CACNG4: variants seen among roughly 807,000 people sequenced by gnomAD.
CACNG4 encodes calcium voltage-gated channel auxiliary subunit gamma 4, also known as voltage-dependent calcium channel gamma-4 subunit.
Under a neutral mutation model 22.9 loss-of-function variants are expected in CACNG4, and 8 were observed. The ratio of observed to expected loss-of-function variants is 0.35; its 90% CI spans 0.21 to 0.63. CACNG4 has a LOEUF of 0.63. Ranked by LOEUF, CACNG4 falls within the 30% of genes least tolerant of loss-of-function variation. The pLI is 0.72. For synonymous variants in CACNG4, 188 were observed against 191.9 expected (o/e 0.98, Z 0.17); for missense variants, 357 against 455.4 (o/e 0.78, Z 1.97).
Position 67,024,850 on chromosome 17 carries a change from C to G in CACNG4, c.305-10C>G, listed in dbSNP as rs375645003. ...GCCCTCTGCTTTGTGCCCCCCACCT[C>G]CCCGGCCAGGCATCGTGCGAGCCTC... is the stretch of plus-strand genomic sequence containing the variant. On this transcript the variant is annotated splice_polypyrimidine_tract_variant and intron_variant, in intron 2 of 3. Coordinates refer to ENST00000262138, the MANE Select transcript of CACNG4 (RefSeq NM_014405.4). 1 of 1,531,134 alleles carries G rather than the reference C, an allele frequency of 6.5e-7. No homozygotes were observed. The highest frequency in any genetic ancestry group is 8.8e-7 in the Non-Finnish European group (1 of 1,140,536). The allele number at this position is 1,531,134 out of a possible 1,614,324, so 94.8% of individuals were successfully genotyped here.
At chr17:66,965,187 TATACACACGCGCGCGCGCGCGCGCGC>T (rs1336074920) in intron 1 of CACNG4, 56 bp downstream of exon 1, 7 of 756,064 alleles carry the variant, frequency 9.3e-6, no homozygotes, top group Middle Eastern at 4.1e-4. Context: ...CACACACACA[TATACACACGCGCGCGCGCGCGCGCGC>T]ACACACACAC....
At chr17:66,980,620 C>CTT (rs67051865) in intron 1 of CACNG4, among the ~76,000 whole-genome samples, 48 of 106,968 alleles carry the variant, frequency 4.5e-4, no homozygotes, top group South Asian at 2.2e-3. Context: ...TGTGTAAATT[C>CTT]TTTTTTTTTT....
At chr17:67,002,078 A>C (rs1452743790) in intron 1 of CACNG4, among the ~76,000 whole-genome samples, 4 of 152,234 alleles carry the variant, frequency 2.6e-5, no homozygotes. Context: ...TGCTATGAAG[A>C]AATACCTGAG....
chr17:66,967,041 G>A (rs1046030271), intron 1 of CACNG4, among the ~76,000 whole-genome samples: 20 of 152,294 alleles, frequency 1.3e-4, no homozygotes, highest in African/African-American at 3.4e-4. Flanking sequence ...GGCACGACCC[G>A]AAGGCATGTG....
At chr17:67,024,420 G>A (rs1452992225) in intron 2 of CACNG4, among the ~76,000 whole-genome samples, 1 of 152,216 alleles carries the variant, frequency 6.6e-6, no homozygotes, top group Admixed American at 6.5e-5. Flanking sequence ...ACCTAATGCC[G>A]ATGCGTGTGC....
chr17:66,990,681 T>TTTTATTTTA lies in CACNG4; in HGVS notation c.220+25557_220+25558insTATTTATTT, dbSNP rs1555577356. 4.6e-4 allele frequency among the ~76,000 whole-genome samples: 63 copies of TTTTATTTTA among 135,982 alleles called. 1 individual carries two copies. Among genetic ancestry groups the TTTTATTTTA allele is most frequent in the African/African-American group, 1.8e-3 (63 of 34,678 alleles). The allele number at this position is 135,982 out of a possible 152,430, so 89.2% of individuals were successfully genotyped here. On this transcript the variant is annotated intron_variant, in intron 1 of 3. Transcript: ENST00000262138. ...TTTTATTTTATTTTATTTTATTTTA[T>TTTTATTTTA]TTTATTTATTTATTTTTGAGACGGA... is the stretch of plus-strand genomic sequence containing the variant.
At position 67,024,917 on chromosome 17, in the gene CACNG4, G is replaced by A. The variant is rs1203286027; in HGVS notation, c.362G>A (p.Gly121Asp). 1 of 1,606,184 alleles carries A rather than the reference G, an allele frequency of 6.2e-7. No homozygotes were observed. The highest frequency in any genetic ancestry group is 1.1e-5 in the South Asian group (1 of 89,736). Reference protein sequence around the residue: ...PILSTILLLLGGLCIGAGRIY... With the variant: ...PILSTILLLLDGLCIGAGRIY... ...CTCAGCACCATCCTGCTCCTGCTGG[G>A]TGGCCTGTGCATCGGTGCTGGCAGG... The change falls in exon 3 of 4, where the codon GGT (glycine) becomes GAT (aspartate). Residue 121 changes from glycine (G) to aspartate (D), a missense_variant. Physicochemically the swap from Gly to Asp is moderately conservative, Grantham distance 94 (BLOSUM62 -1). Coordinates refer to ENST00000262138, the MANE Select transcript of CACNG4 (RefSeq NM_014405.4).
rs2035595309 is a variant in CACNG4 at position 67,030,345 on chromosome 17, A to G, written c.446-121A>G. Reference sequence around the variant, plus strand: ...AAAGAAAAATTAGCAACCAGAATAAAGAAATACTCATCAGAGAGGGGAGTG... The same window carrying G: ...AAAGAAAAATTAGCAACCAGAATAAGGAAATACTCATCAGAGAGGGGAGTG... On this transcript the variant is annotated intron_variant, in intron 3 of 3. Transcript: ENST00000262138. The surrounding 1 kb of genome is among the most constrained non-coding windows in gnomAD (Gnocchi z 6.4). 1.2e-6 allele frequency: 1 copy of G among 806,410 alleles called. No individual in the cohort carries two copies. The highest frequency in any genetic ancestry group is 2.4e-5 in the East Asian group (1 of 40,950). The allele number at this position is 806,410 out of a possible 1,614,324, so 50.0% of individuals were successfully genotyped here.
intron 1 of CACNG4, among the ~76,000 whole-genome samples, chr17:66,982,833 G>A (rs2035284984): frequency 1.3e-5 from 2 of 152,212 alleles, no homozygotes; most frequent in South Asian, 2.1e-4. Flanking sequence ...TGGATTTACA[G>A]GCACAAGCCA....
In CACNG4 at chr17:67,027,387, G is replaced by A. The variant is rs752962883; in HGVS notation, c.445+2387G>A. The stretch of plus-strand genomic sequence containing the variant: ...GCGGCTGGCTGCAAGGAAGCAATGG[G>A]GAGGCCAGCAAGGGGACATTGGCTT... On this transcript the variant is annotated intron_variant, in intron 3 of 3. Coordinates refer to ENST00000262138, the MANE Select transcript of CACNG4 (RefSeq NM_014405.4). This position sits in a 1 kb window ranked among gnomAD's most constrained non-coding sequence, Gnocchi z 4.3. 2.0e-5 allele frequency among the ~76,000 whole-genome samples: 3 copies of A among 152,232 alleles called. No individual in the cohort carries two copies. The highest frequency in any genetic ancestry group is 2.9e-5 in the Non-Finnish European group (2 of 68,040).
intron 1 of CACNG4, among the ~76,000 whole-genome samples, chr17:67,017,249 G>T (rs2035503855): frequency 6.6e-6 from 1 of 151,988 alleles, no homozygotes; most frequent in African/African-American, 2.4e-5. Flanking sequence ...GCTAATTTTT[G>T]TACTTTTAGG....
At chr17:67,016,714 C>T (rs549296675) in intron 1 of CACNG4, among the ~76,000 whole-genome samples, 1 of 152,166 alleles carries the variant, frequency 6.6e-6, no homozygotes, top group East Asian at 1.9e-4. Context: ...GGGGGCTGAC[C>T]CGGGGGAAGG....
Position 67,023,437 on chromosome 17 carries a change from G to A in CACNG4, c.305-1423G>A, listed in dbSNP as rs558881434. Among the ~76,000 whole-genome samples the A allele has an allele frequency of 1.2e-3, 183 of 151,662 alleles. 1 individual carries two copies. The highest frequency in any genetic ancestry group is 4.2e-3 in the African/African-American group (175 of 41,354). ...ACTACAGGCACTGGCTACAACGCCC[G>A]GCTAATTTTTTGTATTTTTCCTAGA... On this transcript the variant is annotated intron_variant, in intron 2 of 3. Transcript: ENST00000262138.
At chr17:66,993,241 C>A (rs984914623) in intron 1 of CACNG4, among the ~76,000 whole-genome samples, 1 of 152,240 alleles carries the variant, frequency 6.6e-6, no homozygotes. Flanking sequence ...GGTTTTCCAT[C>A]ATTTATTAAT....
At chr17:67,014,807 C>T (rs1009636944) in intron 1 of CACNG4, among the ~76,000 whole-genome samples, 1 of 151,860 alleles carries the variant, frequency 6.6e-6, no homozygotes, top group Non-Finnish European at 1.5e-5. Flanking sequence ...GGTGGTGGTG[C>T]GTGCCTGTAG....
intron 1 of CACNG4, among the ~76,000 whole-genome samples, chr17:66,987,692 A>G (rs116381579): frequency 0.023 from 3,428 of 152,208 alleles, 91 homozygotes; most frequent in Middle Eastern, 0.061. Context: ...GAGGAGATGC[A>G]GCAGCTGCAG....
chr17:67,018,599 G>A lies in CACNG4; in HGVS notation c.304+327G>A, dbSNP rs189914991. 2.0e-5 allele frequency among the ~76,000 whole-genome samples: 3 copies of A among 152,264 alleles called. No homozygotes were observed. The East Asian group carries it at 5.8e-4, about 29-fold the overall frequency. ...TTACTGACTGGCTGGAGCTGGGGCT[G>A]GAGCAAGGAAGGTTAAAGATATAGG... On this transcript the variant is annotated intron_variant, in intron 2 of 3. Transcript: ENST00000262138.
chr17:66,999,092 G>C (rs60487010), intron 1 of CACNG4, among the ~76,000 whole-genome samples: 15,890 of 152,138 alleles, frequency 0.1, 1,309 homozygotes, highest in East Asian at 0.23. Context: ...GGGCAATCCT[G>C]GGCAACTCAC....
chr17:66,987,629 G>T (rs976306866), intron 1 of CACNG4, among the ~76,000 whole-genome samples: 3 of 152,180 alleles, frequency 2.0e-5, no homozygotes, highest in Non-Finnish European at 4.4e-5. Flanking sequence ...GGTTTTACCG[G>T]AGGAGGTTGG....
Sources: allele counts gnomAD v4.1 joint callset (sites outside exome capture counted in the v4.1 genomes callset), GRCh38; gene constraint gnomAD v4.1.1; non-coding constraint Gnocchi (gnomAD v3.1); transcripts MANE v1.5; gene names NCBI Gene and HGNC (gene_info 2026-07-23, HGNC 2026-07-21).